Variants in ASIC2 observed in about 807,000 individuals in gnomAD.
ASIC2 encodes the protein acid sensing ion channel subunit 2, also known as acid-sensing ion channel 2.
ASIC2 carries 25 observed loss-of-function variants against 57.3 expected under a neutral mutation model. That is an observed-to-expected ratio of 0.44 (90% CI 0.32 to 0.61). The LOEUF (loss-of-function observed/expected upper bound fraction) is 0.61. Among genes scored for constraint, ASIC2 ranks in the 20% least tolerant of loss-of-function variants. The probability of loss-of-function intolerance (pLI) is 0.06; values close to 1 mark genes in which losing one functional copy is unlikely to be tolerated. For synonymous variants in ASIC2, 319 were observed against 307.5 expected, an observed-to-expected ratio of 1.04 and a Z score of -0.39; for missense variants, 641 against 738.1, an observed-to-expected ratio of 0.87 and a Z score of 1.52.
At chr17:33,190,034 T>G (rs1351192603) in intron 1 of ASIC2, among the ~76,000 whole-genome samples, 1 of 152,214 alleles carries the variant, frequency 6.6e-6, no homozygotes, top group Admixed American at 6.5e-5. Flanking sequence ...AGGTCCTAAC[T>G]AGTGCAGTAA....
At chr17:33,979,245 T>C (rs536313234) in intron 1 of ASIC2, among the ~76,000 whole-genome samples, 3 of 152,204 alleles carry the variant, frequency 2.0e-5, no homozygotes, top group Admixed American at 1.3e-4. Context: ...AGAGTGACCA[T>C]TCACACTACC....
intron 1 of ASIC2, among the ~76,000 whole-genome samples, chr17:33,435,657 A>G (rs1911585877): frequency 6.6e-6 from 1 of 152,196 alleles, no homozygotes; most frequent in Admixed American, 6.5e-5. Context: ...ATGATAGGGG[A>G]AATGTCTCTT....
intron 1 of ASIC2, among the ~76,000 whole-genome samples, chr17:33,645,476 C>T (rs1243315079): frequency 2.0e-5 from 3 of 152,138 alleles, no homozygotes; most frequent in Non-Finnish European, 4.4e-5. Flanking sequence ...GAAATGACCT[C>T]GCACAGTGGT....
At chr17:33,595,845 T>G (rs1369912158) in intron 1 of ASIC2, among the ~76,000 whole-genome samples, 5 of 152,206 alleles carry the variant, frequency 3.3e-5, no homozygotes, top group African/African-American at 1.2e-4. Context: ...CCAATGGGCC[T>G]TCCCATGAGA....
chr17:33,542,742 T>G (rs1318212830), intron 1 of ASIC2, among the ~76,000 whole-genome samples: 1 of 129,690 alleles, frequency 7.7e-6, no homozygotes, highest in Non-Finnish European at 1.6e-5. Context: ...CAGAAGCTCT[T>G]TAGTTTAATT....
chr17:33,776,230 G>A (rs565272518), intron 1 of ASIC2, among the ~76,000 whole-genome samples: 1 of 152,300 alleles, frequency 6.6e-6, no homozygotes, highest in Non-Finnish European at 1.5e-5. Context: ...ATTAGGAGGT[G>A]GGGCCTTTGG....
chr17:33,962,100 C>A (rs111491765), intron 1 of ASIC2, among the ~76,000 whole-genome samples: 83 of 152,298 alleles, frequency 5.4e-4, no homozygotes, highest in African/African-American at 1.9e-3. Context: ...CCCCAGAATG[C>A]AAGCCCATGA....
At chr17:33,932,904 C>T (rs1040312180) in intron 1 of ASIC2, among the ~76,000 whole-genome samples, 4 of 151,814 alleles carry the variant, frequency 2.6e-5, no homozygotes, top group Non-Finnish European at 4.4e-5. Context: ...TAGAGATTTA[C>T]AGCTGAGACT....
At chr17:33,810,863 G>GCA (rs1401695527) in intron 1 of ASIC2, among the ~76,000 whole-genome samples, 3 of 108,090 alleles carry the variant, frequency 2.8e-5, no homozygotes, top group East Asian at 2.3e-4. Context: ...AACGAACTAT[G>GCA]CACACACACA....
chr17:33,142,961 T>C (rs1211304730), intron 1 of ASIC2, among the ~76,000 whole-genome samples: 1 of 152,130 alleles, frequency 6.6e-6, no homozygotes, highest in Admixed American at 6.5e-5. Flanking sequence ...CACTGAATCA[T>C]GGATGTTTCC....
intron 1 of ASIC2, among the ~76,000 whole-genome samples, chr17:34,099,695 AAAG>A (rs1419983210): frequency 1.3e-5 from 2 of 149,294 alleles, no homozygotes; most frequent in African/African-American, 5.0e-5. Flanking sequence ...GAAAGAGAAG[AAAG>A]AAAGGAAAAA....
At chr17:33,221,402 G>A (rs1907687659) in intron 1 of ASIC2, among the ~76,000 whole-genome samples, 1 of 152,172 alleles carries the variant, frequency 6.6e-6, no homozygotes, top group Non-Finnish European at 1.5e-5. Flanking sequence ...GAATCTTCAA[G>A]GACCAGGAAC....
At chr17:33,121,850 A>G (rs1165295514) in intron 1 of ASIC2, among the ~76,000 whole-genome samples, 1 of 152,178 alleles carries the variant, frequency 6.6e-6, no homozygotes, top group Non-Finnish European at 1.5e-5. Flanking sequence ...GACTGAGAGG[A>G]GTTAGCATTT....
intron 1 of ASIC2, among the ~76,000 whole-genome samples, chr17:33,588,676 C>A (rs567405723): frequency 6.6e-6 from 1 of 152,116 alleles, no homozygotes; most frequent in Non-Finnish European, 1.5e-5. Context: ...GAGACAAGAT[C>A]GCATCACAGG....
intron 1 of ASIC2, among the ~76,000 whole-genome samples, chr17:33,189,954 C>T (rs1312438509): frequency 2.0e-5 from 3 of 152,096 alleles, no homozygotes; most frequent in African/African-American, 7.2e-5. Context: ...TGATCTTCCC[C>T]TACGATCAAG....
chr17:33,941,340 G>A (rs958755831), intron 1 of ASIC2, among the ~76,000 whole-genome samples: 7 of 152,212 alleles, frequency 4.6e-5, no homozygotes, highest in African/African-American at 9.6e-5. Flanking sequence ...GTGGGATCCT[G>A]CAGGATGAAC....
At chr17:33,157,822 C>T (rs1905049507) in intron 1 of ASIC2, among the ~76,000 whole-genome samples, 2 of 152,196 alleles carry the variant, frequency 1.3e-5, no homozygotes, top group South Asian at 2.1e-4. Flanking sequence ...GGCTTCCATC[C>T]CACTCTAAGT....
intron 1 of ASIC2, among the ~76,000 whole-genome samples, chr17:33,339,544 G>C (rs1459252397): frequency 1.3e-5 from 2 of 152,170 alleles, no homozygotes; most frequent in Non-Finnish European, 2.9e-5. Context: ...ATTTTAAAAA[G>C]TCACTTTGGC....
chr17:33,381,029 C>T (rs573720963), intron 1 of ASIC2, among the ~76,000 whole-genome samples: 1 of 152,178 alleles, frequency 6.6e-6, no homozygotes, highest in Non-Finnish European at 1.5e-5. Flanking sequence ...AATCTCGGCT[C>T]ACAGTTCGAG....
Sources: gnomAD v4.1 joint callset for allele counts (sites outside exome capture counted in the v4.1 genomes callset) on GRCh38, gnomAD v4.1.1 for gene constraint, MANE v1.5 for transcripts, NCBI Gene and HGNC (gene_info 2026-07-23, HGNC 2026-07-21) for gene names.